BCL11A: variants seen among roughly 807,000 people sequenced by gnomAD.
BCL11A encodes the protein B cell CLL/lymphoma 11A.
BCL11A carries 2 observed loss-of-function variants against 55.9 expected under a neutral mutation model. The ratio of observed to expected loss-of-function variants is 0.04; its 90% CI spans 0.01 to 0.11. The LOEUF is 0.11. BCL11A is among the 10% of genes least tolerant of loss of function. The probability of loss-of-function intolerance (pLI) is 1.00; values close to 1 mark genes in which losing one functional copy is unlikely to be tolerated. For synonymous variants in BCL11A, 465 were observed against 473.4 expected (o/e 0.98, Z 0.23); for missense variants, 817 against 1,137.1 (o/e 0.72, Z 4.05).
rs769878805 is a variant in BCL11A, at chr2:60,546,077, T to G, written c.279A>C (p.Lys93Asn). The G allele has an allele frequency of 1.2e-6, 2 of 1,614,248 alleles. No homozygotes were observed. The highest frequency in any genetic ancestry group is 1.7e-6 in the Non-Finnish European group (2 of 1,180,050). ...CAACCTCCACGGGATTGGATGCTTT[T>G]TTCATCTCGATTGGTGAAGGGGAAG... ...KPPSPSPIEM[K>N]KASNPVEVGI... is the part of the protein sequence containing the mutation. The change falls in exon 2 of 4, where the codon AAA (lysine) becomes AAC (asparagine). Residue 93 changes from lysine (K) to asparagine (N), a missense_variant. Physicochemically the swap from Lys to Asn is moderately conservative, Grantham distance 94. Transcript: ENST00000642384. The surrounding 1 kb of genome is among the most constrained non-coding windows in gnomAD (Gnocchi z 4.1).
intron 2 of BCL11A, among the ~76,000 whole-genome samples, chr2:60,473,549 C>G (rs1458395098): frequency 6.6e-6 from 1 of 152,114 alleles, no homozygotes; most frequent in African/African-American, 2.4e-5. Context: ...GTTCTGAATC[C>G]GATTACTAGG....
intron 1 of BCL11A, chr2:60,551,047 CAGTGAAAAATTAA>C: frequency 2.5e-6 from 1 of 397,080 alleles, no homozygotes; most frequent in African/African-American, 2.1e-5. Context: ...TTCCAGGGCC[CAGTGAAAAATTAA>C]ATTCCCTGTG....
At chr2:60,545,887 CA>C in intron 2 of BCL11A, 83 bp downstream of exon 2, 1 of 1,195,522 alleles carries the variant, frequency 8.4e-7, no homozygotes, top group Non-Finnish European at 1.2e-6. Context: ...GAAAGCACTT[CA>C]CAACTCCTTA....
intron 2 of BCL11A, among the ~76,000 whole-genome samples, chr2:60,469,850 G>T (rs930372766): frequency 3.3e-5 from 5 of 152,216 alleles, no homozygotes; most frequent in Non-Finnish European, 7.3e-5. Context: ...TGGTGCAGGA[G>T]ACGCTCTGTG....
At chr2:60,478,935 C>A (rs762382250) in intron 2 of BCL11A, among the ~76,000 whole-genome samples, 5 of 152,162 alleles carry the variant, frequency 3.3e-5, no homozygotes, top group Non-Finnish European at 7.4e-5. Context: ...CAGAACAAAA[C>A]ACAGGCCTTG....
chr2:60,477,996 T>C lies in BCL11A; in HGVS notation c.386-9163A>G, dbSNP rs537503897. Reference sequence around the variant, plus strand: ...TTTTTTAATTGAGACATGGTCTCACTCTGTTGCCCAGGCTGGAGTGCAGTG... The same window carrying C: ...TTTTTTAATTGAGACATGGTCTCACCCTGTTGCCCAGGCTGGAGTGCAGTG... On this transcript the variant is annotated intron_variant, in intron 2 of 3. Coordinates refer to ENST00000642384, the MANE Select transcript of BCL11A (RefSeq NM_022893.4). Among the ~76,000 whole-genome samples the C allele has an allele frequency of 2.7e-5, 4 of 149,906 alleles. No homozygotes were observed. In the East Asian group the frequency reaches 6.0e-4, roughly 23 times the overall value.
chr2:60,470,329 A>C (rs2022098), intron 2 of BCL11A, among the ~76,000 whole-genome samples: 29,716 of 152,196 alleles, frequency 0.2, 3,244 homozygotes, highest in Non-Finnish European at 0.25. Context: ...TTGACTGTTT[A>C]CGTCAAGTGA....
chr2:60,476,854 T>C (rs1054440422), intron 2 of BCL11A, among the ~76,000 whole-genome samples: 1 of 152,244 alleles, frequency 6.6e-6, no homozygotes, highest in African/African-American at 2.4e-5. Flanking sequence ...CTTTCTGTAA[T>C]GTGAAAAATC....
Position 60,459,147 on chromosome 2 carries a change from G to T in BCL11A, c.*1257C>A. ...CTAATAAATCATATTATTTTCTTCTGTTCCCCTCTGTCAAACCTTATTGTC... is the reference window on the plus strand; with the variant it reads ...CTAATAAATCATATTATTTTCTTCTTTTCCCCTCTGTCAAACCTTATTGTC... On this transcript the variant is annotated 3_prime_UTR_variant, in exon 4 of 4. Coordinates refer to ENST00000642384, the MANE Select transcript of BCL11A (RefSeq NM_022893.4). 9.8e-7 allele frequency: 1 copy of T among 1,023,652 alleles called. No individual in the cohort carries two copies. The highest frequency in any genetic ancestry group is 1.2e-6 in the Non-Finnish European group (1 of 852,542). The allele number at this position is 1,023,652 out of a possible 1,614,324, so 63.4% of individuals were successfully genotyped here.
chr2:60,459,042 A>G lies in BCL11A; in HGVS notation c.*1362T>C. The G allele has an allele frequency of 9.8e-7, 1 of 1,018,324 alleles. No homozygotes were observed. Among genetic ancestry groups the G allele is most frequent in the Non-Finnish European group, 1.2e-6 (1 of 847,150 alleles). 63.1% of individuals were successfully genotyped at this position (1,018,324 alleles called of 1,614,324 possible). ...TCACATTTAAATGCAAGTCTTAAGA[A>G]TTCATAGTTAATCATCATTGTATCA... On this transcript the variant is annotated 3_prime_UTR_variant, in exon 4 of 4. Transcript: ENST00000642384.
At chr2:60,532,393 TTTTGC>T (rs1335796120) in intron 2 of BCL11A, among the ~76,000 whole-genome samples, 1 of 151,930 alleles carries the variant, frequency 6.6e-6, no homozygotes, top group Non-Finnish European at 1.5e-5. Flanking sequence ...TTTTGTTTTG[TTTTGC>T]TTTGTTTTTT....
intron 2 of BCL11A, among the ~76,000 whole-genome samples, chr2:60,494,472 C>T (rs545790646): frequency 2.6e-5 from 4 of 152,146 alleles, no homozygotes; most frequent in Non-Finnish European, 5.9e-5. Flanking sequence ...AGAGTGGAAA[C>T]GGCCCAGAGC....
chr2:60,518,281 T>C (rs921725990), intron 2 of BCL11A, among the ~76,000 whole-genome samples: 1 of 152,206 alleles, frequency 6.6e-6, no homozygotes, highest in Non-Finnish European at 1.5e-5. Context: ...GCTCTCATAA[T>C]ACATAAAACA....
At chr2:60,508,182 C>G (rs551279962) in intron 2 of BCL11A, among the ~76,000 whole-genome samples, 1 of 152,300 alleles carries the variant, frequency 6.6e-6, no homozygotes, top group African/African-American at 2.4e-5. Flanking sequence ...AAAATTCTGA[C>G]AGGCCCAGCA....
chr2:60,493,975 G>A (rs113849159), intron 2 of BCL11A, among the ~76,000 whole-genome samples: 22 of 152,252 alleles, frequency 1.4e-4, no homozygotes, highest in African/African-American at 4.1e-4. Context: ...AGGCAGTGGC[G>A]GAAGCTGATT....
chr2:60,479,218 C>A (rs1190122045), intron 2 of BCL11A, among the ~76,000 whole-genome samples: 1 of 152,240 alleles, frequency 6.6e-6, no homozygotes, highest in Non-Finnish European at 1.5e-5. Flanking sequence ...CTCCAACCAA[C>A]AGCACAACAT....
rs775056709 is a variant in BCL11A at position 60,460,999 on chromosome 2, A to G, written c.1913T>C (p.Leu638Pro). Residue 638 changes from leucine to proline, a missense_variant, in exon 4 of 4, where the codon CTC becomes CCC. By Grantham distance (98) the Leu-to-Pro change is moderately conservative. Coordinates refer to ENST00000642384, the MANE Select transcript of BCL11A (RefSeq NM_022893.4). ...SLSPFSKRIK[L>P]EKEFDLPPAA... The stretch of plus-strand genomic sequence containing the variant: ...CGGGGGCAGGTCGAACTCCTTCTCG[A>G]GCTTGATGCGCTTAGAGAAGGGGCT... 6.2e-7 allele frequency: 1 copy of G among 1,608,684 alleles called. No individual in the cohort carries two copies.
At chr2:60,535,795 G>C (rs546034144) in intron 2 of BCL11A, 4 of 152,190 alleles carry the variant, frequency 2.6e-5, no homozygotes, top group Non-Finnish European at 4.4e-5. Context: ...CATGGTGAAC[G>C]GGTCATGCAG....
chr2:60,552,942 G>C (rs568345383), intron 1 of BCL11A, among the ~76,000 whole-genome samples: 16 of 152,012 alleles, frequency 1.1e-4, no homozygotes, highest in African/African-American at 3.6e-4. Flanking sequence ...GAAATAAAGC[G>C]GCGGAAAGGA....
Sources: gnomAD v4.1 joint callset for allele counts (sites outside exome capture counted in the v4.1 genomes callset) on GRCh38, gnomAD v4.1.1 for gene constraint, Gnocchi (gnomAD v3.1) non-coding constraint, MANE v1.5 for transcripts, NCBI Gene and HGNC (gene_info 2026-07-23, HGNC 2026-07-21) for gene names.